Variants in TMPRSS7 observed in about 807,000 individuals in gnomAD.
TMPRSS7 encodes the protein transmembrane serine protease 7.
A neutral mutation model predicts 95.6 loss-of-function variants in TMPRSS7; 81 were observed. The observed-to-expected ratio is 0.85, with a 90% CI of 0.71 to 1.02. TMPRSS7 has a LOEUF of 1.02. Among genes scored for constraint, TMPRSS7 ranks in the 50% least tolerant of loss-of-function variants. The probability of loss-of-function intolerance (pLI) is 0.00; values close to 1 mark genes in which losing one functional copy is unlikely to be tolerated. For missense variants in TMPRSS7, 945 were observed against 955.2 expected, an observed-to-expected ratio of 0.99 and a Z score of 0.14; for synonymous variants, 364 against 337.8, an observed-to-expected ratio of 1.08 and a Z score of -0.85.
exon 11 of TMPRSS7, chr3:112,061,920 C>A: frequency 6.2e-7 from 1 of 1,606,420 alleles, no homozygotes; most frequent in South Asian, 1.1e-5. Flanking sequence ...CAACATCAGT[C>A]AACGTAAGCC....
At chr3:112,038,136 T>C in exon 2 of TMPRSS7, 1 of 702,816 alleles carries the variant, frequency 1.4e-6, no homozygotes, top group Non-Finnish European at 2.6e-6. Context: ...CGACCACCGT[T>C]GCCAGGGAGA....
At position 112,066,503 on chromosome 3, in the gene TMPRSS7, G is replaced by T; in HGVS notation, c.1666+1G>T. The T allele has an allele frequency of 6.2e-7, 1 of 1,613,004 alleles. No individual in the cohort carries two copies. Among genetic ancestry groups the T allele is most frequent in the Non-Finnish European group, 8.5e-7 (1 of 1,179,298 alleles). ...CGGGATGAGCAAAACTGCACTCAAA[G>T]TGAGGGAGAGTCCTCTGTGCCCTGC... On this transcript the variant is annotated splice_donor_variant, in intron 13 of 17. Transcript: ENST00000452346. LOFTEE classifies it high-confidence loss of function.
At chr3:112,041,869 C>A in intron 2 of TMPRSS7, 51 bp from the exon 3 acceptor site, 2 of 1,234,242 alleles carry the variant, frequency 1.6e-6, no homozygotes, top group Non-Finnish European at 2.3e-6. Flanking sequence ...CAATTCCTTA[C>A]TGCCACACAG....
chr3:112,062,791 G>A (rs1190591596), intron 11 of TMPRSS7, among the ~76,000 whole-genome samples: 2 of 151,888 alleles, frequency 1.3e-5, no homozygotes, highest in East Asian at 1.9e-4. Context: ...TGTTTCCCTC[G>A]ACCATACACT....
At chr3:112,076,852 T>A in intron 15 of TMPRSS7, 24 bp from the exon 16 acceptor site, 1 of 1,607,062 alleles carries the variant, frequency 6.2e-7, no homozygotes, top group Non-Finnish European at 8.5e-7. Flanking sequence ...CTGCTAACTT[T>A]ATGTTTCATT....
intron 3 of TMPRSS7, 87 bp from the exon 4 acceptor site, chr3:112,044,168 G>A: frequency 1.1e-6 from 1 of 882,280 alleles, no homozygotes; most frequent in Non-Finnish European, 1.8e-6. Context: ...CTTGCTGGCT[G>A]TCAGAGCTTG....
exon 16 of TMPRSS7, chr3:112,077,080 T>C (rs1316610367): frequency 6.2e-7 from 1 of 1,614,168 alleles, no homozygotes; most frequent in Admixed American, 1.7e-5. Flanking sequence ...TTCCTCCCAC[T>C]GGTCAGAGAG....
At chr3:112,046,532 T>TAC (rs548956236) in intron 5 of TMPRSS7, among the ~76,000 whole-genome samples, 2 of 152,232 alleles carry the variant, frequency 1.3e-5, no homozygotes, top group East Asian at 3.9e-4. Context: ...AAGTATATTA[T>TAC]ACACACACAC....
intron 16 of TMPRSS7, among the ~76,000 whole-genome samples, chr3:112,077,980 T>C (rs905616875): frequency 3.9e-5 from 6 of 152,224 alleles, no homozygotes; most frequent in Non-Finnish European, 8.8e-5. Context: ...CTGTAATTCC[T>C]GAACCTTGCC....
exon 5 of TMPRSS7, chr3:112,045,849 C>A (rs2073272109): frequency 6.4e-7 from 1 of 1,551,746 alleles, no homozygotes; most frequent in African/African-American, 1.4e-5. Context: ...TTGCCGCCAT[C>A]TTGAAGGACT....
Position 112,049,902 on chromosome 3 carries a change from G to T in TMPRSS7, c.1018G>T (p.Val340Leu), listed in dbSNP as rs774765903. Residue 340 changes from valine (V) to leucine (L), a missense_variant, in exon 8 of 18, where the codon GTG (valine) becomes TTG (leucine). Coordinates refer to ENST00000452346, the Ensembl canonical transcript of TMPRSS7. Reference sequence around the variant, plus strand: ...TGTTTCTACAAATAATCTCATGTTGGTGACATTTAAGTCTCCTCATATACG... The same window carrying T: ...TGTTTCTACAAATAATCTCATGTTGTTGACATTTAAGTCTCCTCATATACG... 1 of 1,558,994 alleles carries T rather than the reference G, an allele frequency of 6.4e-7. No homozygotes were observed. Among genetic ancestry groups the T allele is most frequent in the African/African-American group, 1.3e-5 (1 of 74,156 alleles).
chr3:112,056,648 A>G (rs1435133559), intron 9 of TMPRSS7, among the ~76,000 whole-genome samples: 1 of 152,216 alleles, frequency 6.6e-6, no homozygotes, highest in Admixed American at 6.5e-5. Flanking sequence ...TCCTTTATCT[A>G]AAGAATCTGA....
chr3:112,064,129 C>T (rs2073546251), intron 12 of TMPRSS7, among the ~76,000 whole-genome samples: 1 of 152,182 alleles, frequency 6.6e-6, no homozygotes, highest in East Asian at 1.9e-4. Flanking sequence ...GCTATGGTAA[C>T]ACTGGGGTGC....
exon 2 of TMPRSS7, chr3:112,038,270 T>C (rs916192782): frequency 5.8e-5 from 41 of 702,954 alleles, no homozygotes; most frequent in Non-Finnish European, 9.4e-5. Context: ...CTTCACAGTA[T>C]TTTTATTCAT....
chr3:112,045,772 CTTGTCCACTTTTGGA>C lies in TMPRSS7; in HGVS notation c.525_539del (p.His176_Val180del), dbSNP rs986628382. 5 of 1,550,972 alleles carry C rather than the reference CTTGTCCACTTTTGGA, an allele frequency of 3.2e-6. No homozygotes were observed. The African/African-American group carries it at 6.8e-5, about 21-fold the overall frequency. On this transcript the variant is annotated inframe_deletion, in exon 5 of 18. Transcript: ENST00000452346. ...TAGCAGCAACAACAAAGGCGGCCTC[CTTGTCCACTTTTGGA>C]TTGTTTTTGTCATGCCACGTGCCAA...
At chr3:112,058,326 T>A (rs1238438097) in intron 10 of TMPRSS7, among the ~76,000 whole-genome samples, 1 of 152,224 alleles carries the variant, frequency 6.6e-6, no homozygotes, top group African/African-American at 2.4e-5. Flanking sequence ...GGGAGTGTAA[T>A]TGAATCAAGA....
rs2073176459 is a variant in TMPRSS7 at position 112,038,753 on chromosome 3, A to AAC, written c.298+432_298+433insAC. Among the ~76,000 whole-genome samples, 7 of 152,248 alleles carry AAC rather than the reference A, an allele frequency of 4.6e-5. 1 individual carries two copies. In the South Asian group the frequency reaches 1.5e-3, roughly 32 times the overall value. On this transcript the variant is annotated intron_variant, in intron 2 of 17. Coordinates refer to ENST00000452346, the Ensembl canonical transcript of TMPRSS7. ...CACCTTGGCCTTCCAAAGTGCTAGG[A>AAC]TTACAGGCGTGAACCATGGTGCCCG...
chr3:112,047,627 A>ATGTC (rs2073295971), intron 6 of TMPRSS7, 112 bp from the exon 7 acceptor site: 1 of 804,620 alleles, frequency 1.2e-6, no homozygotes, highest in Non-Finnish European at 2.0e-6. Context: ...GGCTGGCCAT[A>ATGTC]TGTCCTTCAC....
chr3:112,054,706 C>T (rs950330627), intron 9 of TMPRSS7, among the ~76,000 whole-genome samples: 6 of 115,820 alleles, frequency 5.2e-5, no homozygotes, highest in African/African-American at 1.8e-4. Flanking sequence ...AGTTACTTAA[C>T]ATATTTACTA....
Sources: allele counts gnomAD v4.1 joint callset (sites outside exome capture counted in the v4.1 genomes callset), GRCh38; gene constraint gnomAD v4.1.1; transcripts MANE v1.5; gene names NCBI Gene and HGNC (gene_info 2026-07-23, HGNC 2026-07-21).